The following ACAD10 variants were observed in gnomAD, a reference collection of about 807,000 sequenced individuals.
The protein encoded by ACAD10 is ACAD-10.
Under a neutral mutation model 116.8 loss-of-function variants are expected in ACAD10, and 112 were observed. That is an observed-to-expected ratio of 0.96 (90% CI 0.82 to 1.12). The LOEUF (loss-of-function observed/expected upper bound fraction) is 1.12, where lower values mean the gene tolerates loss of function less well. ACAD10 is among the 50% of genes most tolerant of loss of function. The pLI is 0.00. For missense variants in ACAD10, 1,259 were observed against 1,350.2 expected (o/e 0.93, Z 1.06); for synonymous variants, 486 against 510.6 (o/e 0.95, Z 0.65).
At chr12:111,753,730 C>T (rs1566171227) in intron 18 of ACAD10, 42 bp from the exon 19 acceptor site, 1 of 1,613,484 alleles carries the variant, frequency 6.2e-7, no homozygotes, top group Non-Finnish European at 8.5e-7. Context: ...TGGCCACCCC[C>T]AGCCCAGCAT....
In ACAD10 at chr12:111,749,374, G is replaced by A. The variant is rs568407083; in HGVS notation, c.2817+29G>A. 11 of 1,590,372 alleles carry A rather than the reference G, an allele frequency of 6.9e-6. No homozygotes were observed. The South Asian group carries it at 1.0e-4, about 14-fold the overall frequency. ...AGTGCTTTCCCCCGCACCCAGCACT[G>A]ACTCAGAACCACCACCTTCTGCTTT... On this transcript the variant is annotated intron_variant, in intron 18 of 20. Coordinates refer to ENST00000313698, the MANE Select transcript of ACAD10 (RefSeq NM_025247.6).
intron 10 of ACAD10, among the ~76,000 whole-genome samples, chr12:111,732,970 G>C (rs1889434311): frequency 6.6e-6 from 1 of 152,222 alleles, no homozygotes; most frequent in Non-Finnish European, 1.5e-5. Flanking sequence ...ATCTTCTGAA[G>C]ACTTGCTAGC....
In ACAD10 at chr12:111,755,761, A is replaced by G. The variant is rs762812687; in HGVS notation, c.3039+16A>G. 34 of 1,612,524 alleles carry G rather than the reference A, an allele frequency of 2.1e-5. No homozygotes were observed. The South Asian group carries it at 3.3e-4, about 16-fold the overall frequency. On this transcript the variant is annotated intron_variant, in intron 20 of 20. Coordinates refer to ENST00000313698, the MANE Select transcript of ACAD10 (RefSeq NM_025247.6). ...TGCGATTCAGGTGAGCACAGACCAGACAGTTGGCTTATTTGAACCATCAAT... is the reference window on the plus strand; with the variant it reads ...TGCGATTCAGGTGAGCACAGACCAGGCAGTTGGCTTATTTGAACCATCAAT...
intron 4 of ACAD10, among the ~76,000 whole-genome samples, chr12:111,708,149 C>G (rs969630175): frequency 2.6e-5 from 4 of 152,194 alleles, no homozygotes; most frequent in Non-Finnish European, 4.4e-5. Context: ...TCCCACAGTT[C>G]CTGCTTTGCC....
intron 2 of ACAD10, among the ~76,000 whole-genome samples, chr12:111,694,283 T>A (rs1320015579): frequency 1.3e-5 from 2 of 152,220 alleles, no homozygotes; most frequent in Non-Finnish European, 2.9e-5. Context: ...TCTCTGTTCC[T>A]TCACTCGTAT....
At chr12:111,705,599 C>A in intron 3 of ACAD10, 139 bp from the exon 4 acceptor site, 1 of 737,378 alleles carries the variant, frequency 1.4e-6, no homozygotes, top group Non-Finnish European at 2.2e-6. Context: ...ACAGTTCCTG[C>A]AGGCAGCAAG....
Position 111,703,793 on chromosome 12 carries a change from A to G in ACAD10, c.336+1483A>G, listed in dbSNP as rs187356328. ...GCAGAGGTTACAGTGAGCCAGGATC[A>G]AGATCACACCACTGCACTCCAGCCT... On this transcript the variant is annotated intron_variant, in intron 3 of 20. Coordinates refer to ENST00000313698, the MANE Select transcript of ACAD10 (RefSeq NM_025247.6). Among the ~76,000 whole-genome samples the G allele has an allele frequency of 3.9e-3, 599 of 152,048 alleles. 4 individuals carry two copies. Among genetic ancestry groups the G allele is most frequent in the African/African-American group, 0.013 (556 of 41,492 alleles).
At chr12:111,752,073 AAAGT>A (rs1021767595) in intron 18 of ACAD10, among the ~76,000 whole-genome samples, 1 of 151,056 alleles carries the variant, frequency 6.6e-6, no homozygotes, top group Non-Finnish European at 1.5e-5. Context: ...AAAAAAAAAA[AAAGT>A]AGCCAGGTGT....
intron 14 of ACAD10, 107 bp downstream of exon 14, chr12:111,746,391 C>CTTT (rs35354983): frequency 3.6e-4 from 366 of 1,012,188 alleles, no homozygotes; most frequent in East Asian, 1.4e-3. Flanking sequence ...TGAACTTGAA[C>CTTT]TTTTTTTTTT....
chr12:111,723,612 C>T (rs1468314908), intron 8 of ACAD10, among the ~76,000 whole-genome samples: 3 of 142,708 alleles, frequency 2.1e-5, no homozygotes, highest in Non-Finnish European at 3.1e-5. Flanking sequence ...CCCCACCTCC[C>T]TCCCGGACGG....
chr12:111,752,248 C>T (rs1001472797), intron 18 of ACAD10, among the ~76,000 whole-genome samples: 2 of 151,280 alleles, frequency 1.3e-5, no homozygotes, highest in African/African-American at 4.9e-5. Flanking sequence ...CAAACAAAAA[C>T]AGGCTGTTAG....
chr12:111,693,361 A>G (rs187826681), intron 2 of ACAD10, among the ~76,000 whole-genome samples: 19 of 152,284 alleles, frequency 1.2e-4, no homozygotes, highest in Middle Eastern at 3.4e-3. Context: ...CAACATAGTG[A>G]GACCCCGTAT....
chr12:111,693,921 C>T (rs1185682178), intron 2 of ACAD10, among the ~76,000 whole-genome samples: 2 of 152,074 alleles, frequency 1.3e-5, no homozygotes, highest in African/African-American at 4.8e-5. Flanking sequence ...TCAGGGACTC[C>T]GACTCTTTAT....
rs555492320 is a variant in ACAD10 at position 111,714,969 on chromosome 12, G to A, written c.851-852G>A. 5.9e-5 allele frequency among the ~76,000 whole-genome samples: 9 copies of A among 152,200 alleles called. No homozygotes were observed. The South Asian group carries it at 1.9e-3, about 32-fold the overall frequency. ...AATCTCAGGTGATCTACCCGCCTTG[G>A]CCTCCCAAAGTGCTGGGATTACATG... On this transcript the variant is annotated intron_variant, in intron 6 of 20. Coordinates refer to ENST00000313698, the MANE Select transcript of ACAD10 (RefSeq NM_025247.6).
At chr12:111,748,882 A>G in intron 17 of ACAD10, 1 of 949,666 alleles carries the variant, frequency 1.1e-6, no homozygotes. Context: ...GTGTTTTCAT[A>G]GGATCACTAC....
At chr12:111,703,533 C>G (rs1888410336) in intron 3 of ACAD10, among the ~76,000 whole-genome samples, 1 of 151,978 alleles carries the variant, frequency 6.6e-6, no homozygotes, top group Non-Finnish European at 1.5e-5. Flanking sequence ...TACTTAATGC[C>G]ACTGCACTGT....
At chr12:111,755,921 A>T in intron 20 of ACAD10, 176 bp downstream of exon 20, 1 of 737,820 alleles carries the variant, frequency 1.4e-6, no homozygotes, top group South Asian at 1.6e-5. Context: ...GGGAGGTGCC[A>T]TCGTACCCCC....
Position 111,686,983 on chromosome 12 carries a change from G to T in ACAD10, c.-14+744G>T, listed in dbSNP as rs1340702825. Among the ~76,000 whole-genome samples the T allele has an allele frequency of 2.0e-5, 3 of 152,196 alleles. No individual in the cohort carries two copies. The East Asian group carries it at 5.8e-4, about 29-fold the overall frequency. On this transcript the variant is annotated intron_variant, in intron 1 of 20. Coordinates refer to ENST00000313698, the MANE Select transcript of ACAD10 (RefSeq NM_025247.6). ...TATCATGTCCTCATGCAGTTGTGAG[G>T]ATGAAATGGAATTATGTATATGGAG...
chr12:111,739,971 T>A (rs6490291), intron 12 of ACAD10, among the ~76,000 whole-genome samples: 148,504 of 152,042 alleles, frequency 0.98, 72,554 homozygotes, highest in East Asian at 1. Context: ...GTGGGTTTTT[T>A]AAAAAACATT....
Sources: allele counts gnomAD v4.1 joint callset (sites outside exome capture counted in the v4.1 genomes callset), GRCh38; gene constraint gnomAD v4.1.1; transcripts MANE v1.5; gene names NCBI Gene and HGNC (gene_info 2026-07-23, HGNC 2026-07-21).